Variants in FSTL3 observed in about 807,000 individuals in gnomAD.
The protein encoded by FSTL3 is follistatin-related protein 3.
FSTL3 carries 21 observed loss-of-function variants against 28.1 expected under a neutral mutation model. The observed-to-expected ratio is 0.75, with a 90% CI of 0.53 to 1.08. The LOEUF is 1.08. FSTL3 is among the 50% of genes least tolerant of loss of function. The pLI, the probability that FSTL3 is intolerant of heterozygous loss-of-function variation, is 0.00. For synonymous variants in FSTL3, 199 were observed against 164.2 expected (o/e 1.21, Z -1.62); for missense variants, 400 against 380.9 (o/e 1.05, Z -0.42).
In FSTL3 at chr19:681,794, C is replaced by G. The variant is rs1185486703; in HGVS notation, c.*86C>G. The G allele has an allele frequency of 4.3e-6, 5 of 1,160,754 alleles. No individual in the cohort carries two copies. In the African/African-American group the frequency reaches 7.6e-5, roughly 18 times the overall value. 71.9% of individuals were successfully genotyped at this position (1,160,754 alleles called of 1,614,324 possible). On this transcript the variant is annotated 3_prime_UTR_variant, in exon 5 of 5. Transcript: ENST00000166139. ...GCCACAGCAGAGTCTAATTTATATG[C>G]CACGGACACTCCTTAGAGCCCGGAT...
chr19:681,609 C>T, intron 4 of FSTL3, 41 bp from the exon 5 acceptor site: 1 of 1,593,864 alleles, frequency 6.3e-7, no homozygotes, highest in Non-Finnish European at 8.5e-7. Flanking sequence ...GCCGGAGAAC[C>T]CCCTGCCCTG....
chr19:677,808 C>T lies in FSTL3; in HGVS notation c.120C>T (p.Leu40=), dbSNP rs2031244000. The T allele has an allele frequency of 1.2e-6, 2 of 1,610,130 alleles. No homozygotes were observed. The highest frequency in any genetic ancestry group is 1.3e-5 in the African/African-American group (1 of 74,928). ...GNPAPGGVCW[L]QQGQEATCSL... ...GGCCCGCAGGTGGTGTTTGCTGGCT[C>T]CAGCAGGGCCAGGAGGCCACCTGCA... The change falls in exon 2 of 5, where the codon CTC becomes CTT. Residue 40 remains leucine, a synonymous_variant. Coordinates refer to ENST00000166139, the MANE Select transcript of FSTL3 (RefSeq NM_005860.3).
At position 681,452 on chromosome 19, in the gene FSTL3, G is replaced by A; in HGVS notation, c.625G>A (p.Glu209Lys). Reference sequence around the variant, plus strand: ...CCCTGTGCCCTCCAGCCCCGGCCAGGAGCTTTGCGGCAACAACAACGTCAC... The same window carrying A: ...CCCTGTGCCCTCCAGCCCCGGCCAGAAGCTTTGCGGCAACAACAACGTCAC... The part of the protein sequence containing the change: ...PCPVPSSPGQ[E>K]LCGNNNVTYI... The change falls in exon 4 of 5, where the codon GAG becomes AAG. Residue 209 changes from glutamate to lysine, a missense_variant. Physicochemically the swap from Glu to Lys is moderately conservative, Grantham distance 56. Transcript: ENST00000166139. 3.1e-6 allele frequency: 5 copies of A among 1,600,040 alleles called. No individual in the cohort carries two copies. The highest frequency in any genetic ancestry group is 3.4e-6 in the Non-Finnish European group (4 of 1,179,552).
intron 2 of FSTL3, among the ~76,000 whole-genome samples, chr19:679,555 G>A (rs967116281): frequency 6.6e-6 from 1 of 152,194 alleles, no homozygotes; most frequent in Non-Finnish European, 1.5e-5. Context: ...TCATAGCTGC[G>A]ACCCGGCCTC....
At position 681,325 on chromosome 19, in the gene FSTL3, G is replaced by A; in HGVS notation, c.506-8G>A. On this transcript the variant is annotated splice_polypyrimidine_tract_variant and splice_region_variant and intron_variant, in intron 3 of 4. Transcript: ENST00000166139. Reference sequence around the variant, plus strand: ...TCCCCTGAACTTCCCCTGGCACCCGGCCTGCAGAGTCCTGTGAGCACGTGG... The same window carrying A: ...TCCCCTGAACTTCCCCTGGCACCCGACCTGCAGAGTCCTGTGAGCACGTGG... The A allele has an allele frequency of 6.5e-7, 1 of 1,545,098 alleles. No homozygotes were observed. The highest frequency in any genetic ancestry group is 8.7e-7 in the Non-Finnish European group (1 of 1,150,184).
Position 681,546 on chromosome 19 carries a change from CG to C in FSTL3, c.722del (p.Gly241AlafsTer91). 4 of 1,607,238 alleles carry C rather than the reference CG, an allele frequency of 2.5e-6. No individual in the cohort carries two copies. Among genetic ancestry groups the C allele is most frequent in the Non-Finnish European group, 8.5e-7 (1 of 1,178,798 alleles). On this transcript the variant is annotated frameshift_variant, in exon 4 of 5. Coordinates refer to ENST00000166139, the MANE Select transcript of FSTL3 (RefSeq NM_005860.3). LOFTEE classifies it low-confidence loss of function (END_TRUNC). ...GGCCGCTCCATCGGCGTGCGCCACG[CG>C]GGCAGCTGCGCAGGTGCAGACGCAG... is the stretch of plus-strand genomic sequence containing the variant. ...FLGRSIGVRH[A>X]GSCAGTPEEP...
Position 680,256 on chromosome 19 carries a change from CGT to C in FSTL3, c.290-15_290-14del. On this transcript the variant is annotated splice_polypyrimidine_tract_variant and intron_variant, in intron 2 of 4. Transcript: ENST00000166139. Reference sequence around the variant, plus strand: ...ACCCTCCCGCGCCCGGCCCCACGCGCGTGTCCTCTGTCCGCAGATTCGTGCGA... The same window carrying C: ...ACCCTCCCGCGCCCGGCCCCACGCGCGTCCTCTGTCCGCAGATTCGTGCGA... 7.5e-7 allele frequency: 1 copy of C among 1,335,264 alleles called. No individual in the cohort carries two copies. Among genetic ancestry groups the C allele is most frequent in the South Asian group, 1.7e-5 (1 of 57,400 alleles). The allele number at this position is 1,335,264 out of a possible 1,614,324, so 82.7% of individuals were successfully genotyped here.
chr19:681,078 G>A (rs558738473), intron 3 of FSTL3, among the ~76,000 whole-genome samples: 10 of 151,692 alleles, frequency 6.6e-5, no homozygotes, highest in Non-Finnish European at 8.8e-5. Flanking sequence ...GCGGAGGGGC[G>A]GGGCTTTGGG....
At chr19:676,710 A>C (rs960903196) in intron 1 of FSTL3, among the ~76,000 whole-genome samples, 184 bp downstream of exon 1, 1 of 152,232 alleles carries the variant, frequency 6.6e-6, no homozygotes, top group East Asian at 1.9e-4. Flanking sequence ...AGAGGTTTCT[A>C]ATCACAATGA....
chr19:676,489 C>T lies in FSTL3; in HGVS notation c.66C>T (p.Gly22=), dbSNP rs1351610619. Residue 22 remains glycine (G), a synonymous_variant, in exon 1 of 5, where the codon GGC becomes GGT. Transcript: ENST00000166139. ...GGGGGGCCCTGGCTTGGGCCGTGGGCTTCGTGAGCTCCATGGGCTCGGGGA... is the reference window on the plus strand; with the variant it reads ...GGGGGGCCCTGGCTTGGGCCGTGGGTTTCGTGAGCTCCATGGGCTCGGGGA... ...LPWGALAWAV[G]FVSSMGSGNP... 1.7e-6 allele frequency: 2 copies of T among 1,185,178 alleles called. No homozygotes were observed. Among genetic ancestry groups the T allele is most frequent in the East Asian group, 3.7e-5 (1 of 26,862 alleles). 73.4% of individuals were successfully genotyped at this position (1,185,178 alleles called of 1,614,324 possible).
rs749972809 is a variant in FSTL3, at chr19:681,482, A to G, written c.655A>G (p.Ile219Val). The change falls in exon 4 of 5, where the codon ATC becomes GTC. Residue 219 changes from isoleucine (I) to valine (V), a missense_variant. Physicochemically the swap from Ile to Val is conservative, Grantham distance 29. Transcript: ENST00000166139. ...TTGCGGCAACAACAACGTCACCTAC[A>G]TCTCCTCGTGCCACATGCGCCAGGC... The part of the protein sequence containing the change: ...ELCGNNNVTY[I>V]SSCHMRQATC... The G allele has an allele frequency of 2.5e-6, 4 of 1,602,942 alleles. No homozygotes were observed. The highest frequency in any genetic ancestry group is 4.5e-5 in the East Asian group (2 of 44,864).
Position 680,452 on chromosome 19 carries a change from C to A in FSTL3, c.468C>A (p.His156Gln). The change falls in exon 3 of 5, where the codon CAC becomes CAA. Residue 156 changes from histidine to glutamine, a missense_variant. By Grantham distance (24) the His-to-Gln change is conservative. Coordinates refer to ENST00000166139, the MANE Select transcript of FSTL3 (RefSeq NM_005860.3). ...CELRAARCRG[H>Q]PDLSVMYRGR... ...TGCGCGCCGCGCGCTGCCGCGGCCA[C>A]CCGGACCTGAGCGTCATGTACCGGG... 1 of 1,261,592 alleles carries A rather than the reference C, an allele frequency of 7.9e-7. No homozygotes were observed. Among genetic ancestry groups the A allele is most frequent in the Non-Finnish European group, 9.9e-7 (1 of 1,005,324 alleles). 78.1% of individuals were successfully genotyped at this position (1,261,592 alleles called of 1,614,324 possible). A position where few individuals can be genotyped will look rare whatever the true frequency, so the allele number is the denominator to read the frequency against.
In FSTL3 at chr19:677,969, C is replaced by G; in HGVS notation, c.281C>G (p.Pro94Arg). The G allele has an allele frequency of 6.2e-7, 1 of 1,612,828 alleles. No homozygotes were observed. Among genetic ancestry groups the G allele is most frequent in the Non-Finnish European group, 8.5e-7 (1 of 1,179,718 alleles). The change falls in exon 2 of 5, where the codon CCC becomes CGC. Residue 94 changes from proline (P) to arginine (R), a missense_variant. Physicochemically the swap from Pro to Arg is moderately radical, Grantham distance 103. Coordinates refer to ENST00000166139, the MANE Select transcript of FSTL3 (RefSeq NM_005860.3). ...TTCTTGGGCCTTGTCCACTGCCTTC[C>G]CTGCAAAGGTGAGACCTCAGGCCAG... is the stretch of plus-strand genomic sequence containing the variant. ...LGFLGLVHCL[P>R]CKDSCDGVEC...
chr19:680,513 A>T, intron 3 of FSTL3, 24 bp downstream of exon 3: 1 of 971,746 alleles, frequency 1.0e-6, no homozygotes, highest in Non-Finnish European at 1.2e-6. Context: ...TGGTCTGTGG[A>T]GGGGCGGGGC....
intron 1 of FSTL3, among the ~76,000 whole-genome samples, chr19:676,971 G>C (rs1223227444): frequency 1.3e-5 from 2 of 152,104 alleles, no homozygotes. Context: ...CCGGGTCCTG[G>C]GTAGACGGGG....
Position 681,573 on chromosome 19 carries a change from G to A in FSTL3, c.733+13G>A. On this transcript the variant is annotated intron_variant, in intron 4 of 4. Transcript: ENST00000166139. ...GGCAGCTGCGCAGGTGCAGACGCAG[G>A]GCGGGGGCACAGGCCTGTCCTGGGG... is the stretch of plus-strand genomic sequence containing the variant. 6.2e-7 allele frequency: 1 copy of A among 1,602,722 alleles called. No homozygotes were observed. The highest frequency in any genetic ancestry group is 1.1e-5 in the South Asian group (1 of 89,926).
intron 1 of FSTL3, among the ~76,000 whole-genome samples, chr19:677,188 T>C (rs867808422): frequency 6.6e-6 from 1 of 152,104 alleles, no homozygotes; most frequent in African/African-American, 2.4e-5. Flanking sequence ...TGGGGGGCTC[T>C]CTGGCTCCCC....
Position 676,539 on chromosome 19 carries a change from G to A in FSTL3, c.103+13G>A. 4.6e-6 allele frequency: 3 copies of A among 648,344 alleles called. No individual in the cohort carries two copies. The highest frequency in any genetic ancestry group is 6.0e-6 in the Non-Finnish European group (3 of 499,696). 40.2% of individuals were successfully genotyped at this position (648,344 alleles called of 1,614,324 possible). On this transcript the variant is annotated intron_variant, in intron 1 of 4. Coordinates refer to ENST00000166139, the MANE Select transcript of FSTL3 (RefSeq NM_005860.3). ...AACCCCGCGCCCGGTGAGTGGGGCG[G>A]CCAGAGGGGCGGGCGGGGCGGGCCA...
chr19:678,155 A>G, intron 2 of FSTL3, 178 bp downstream of exon 2: 1 of 615,958 alleles, frequency 1.6e-6, no homozygotes, highest in Non-Finnish European at 2.8e-6. Flanking sequence ...CCCAGGCTCC[A>G]GCCTCTTGCA....
Sources: allele counts gnomAD v4.1 joint callset (sites outside exome capture counted in the v4.1 genomes callset), GRCh38; gene constraint gnomAD v4.1.1; transcripts MANE v1.5; gene names NCBI Gene and HGNC (gene_info 2026-07-23, HGNC 2026-07-21).